VSTM2B: variants seen among roughly 807,000 people sequenced by gnomAD.
VSTM2B encodes V-set and transmembrane domain containing 2B, also known as V-set and transmembrane domain-containing protein 2B.
In VSTM2B, 24 loss-of-function variants were observed where a neutral mutation model predicts 24.0. That is an observed-to-expected ratio of 1.00 (90% CI 0.72 to 1.40). VSTM2B has a LOEUF of 1.40. Among genes scored for constraint, VSTM2B ranks in the 40% most tolerant of loss-of-function variants. The pLI is 0.00. For synonymous variants in VSTM2B, 226 were observed against 194.4 expected (o/e 1.16, Z -1.35); for missense variants, 399 against 416.4 (o/e 0.96, Z 0.36).
rs1456407159 is a variant in VSTM2B at position 29,564,089 on chromosome 19, C to G, written c.*155C>G. 1 of 638,742 alleles carries G rather than the reference C, an allele frequency of 1.6e-6. No homozygotes were observed. Among genetic ancestry groups the G allele is most frequent in the Non-Finnish European group, 2.7e-6 (1 of 371,110 alleles). The allele number at this position is 638,742 out of a possible 1,614,324, so 39.6% of individuals were successfully genotyped here. A position where few individuals can be genotyped will look rare whatever the true frequency, so the allele number is the denominator to read the frequency against. On this transcript the variant is annotated 3_prime_UTR_variant, in exon 5 of 5. Transcript: ENST00000335523. ...AAATCATATTTTTGGGAAAGTTACA[C>G]AAATGTAGAACACCTAAAATAATGC...
chr19:29,555,757 C>A (rs1970391230), intron 4 of VSTM2B, among the ~76,000 whole-genome samples: 1 of 152,026 alleles, frequency 6.6e-6, no homozygotes, highest in Non-Finnish European at 1.5e-5. Flanking sequence ...ATACAAACAA[C>A]CATCAGAGAA....
chr19:29,531,094 G>T (rs1266548433), intron 4 of VSTM2B, among the ~76,000 whole-genome samples: 1 of 149,898 alleles, frequency 6.7e-6, no homozygotes, highest in Non-Finnish European at 1.5e-5. Flanking sequence ...GCCATTGGCA[G>T]AGGCAGGGGT....
At chr19:29,558,974 G>C (rs1002820331) in intron 4 of VSTM2B, among the ~76,000 whole-genome samples, 1 of 152,242 alleles carries the variant, frequency 6.6e-6, no homozygotes, top group Admixed American at 6.5e-5. Context: ...AGATGCTGGA[G>C]AGGATGTGGA....
At chr19:29,551,870 G>C (rs988082929) in intron 4 of VSTM2B, among the ~76,000 whole-genome samples, 1 of 152,160 alleles carries the variant, frequency 6.6e-6, no homozygotes, top group African/African-American at 2.4e-5. Flanking sequence ...ACAACCCCCA[G>C]GAACACAGAT....
At chr19:29,556,281 A>G (rs1280029657) in intron 4 of VSTM2B, among the ~76,000 whole-genome samples, 1 of 152,182 alleles carries the variant, frequency 6.6e-6, no homozygotes, top group Non-Finnish European at 1.5e-5. Flanking sequence ...GAAAGACCAA[A>G]ACCACATGAT....
At chr19:29,550,672 G>A (rs1016806317) in intron 4 of VSTM2B, among the ~76,000 whole-genome samples, 1 of 152,094 alleles carries the variant, frequency 6.6e-6, no homozygotes, top group Non-Finnish European at 1.5e-5. Context: ...ATGCAATACT[G>A]GACAAAGCAA....
intron 4 of VSTM2B, among the ~76,000 whole-genome samples, chr19:29,549,705 G>T (rs140151173): frequency 6.6e-6 from 1 of 152,346 alleles, no homozygotes; most frequent in Middle Eastern, 3.4e-3. Context: ...ACAGGGAAAA[G>T]GATGGGGTTT....
At chr19:29,528,077 G>T (rs1419885121) in intron 2 of VSTM2B, among the ~76,000 whole-genome samples, 3 of 152,172 alleles carry the variant, frequency 2.0e-5, no homozygotes, top group East Asian at 1.9e-4. Flanking sequence ...AGTTCTTCAC[G>T]GCTCCCAGTG....
intron 4 of VSTM2B, among the ~76,000 whole-genome samples, chr19:29,540,736 T>C (rs1359086872): frequency 2.0e-5 from 3 of 152,216 alleles, no homozygotes; most frequent in Admixed American, 6.5e-5. Context: ...GGGCATAATG[T>C]GATTAAGACT....
chr19:29,530,224 G>A lies in VSTM2B; in HGVS notation c.703G>A (p.Ala235Thr), dbSNP rs376647357. Reference protein sequence around the residue: ...HTPTTTVAAAAAASSASPPSG... With the variant: ...HTPTTTVAAATAASSASPPSG... The stretch of plus-strand genomic sequence containing the variant: ...GCCCACCACCACAGTCGCGGCAGCT[G>A]CTGCTGCCTCGTCAGCGTCGCCGCC... Residue 235 changes from alanine (A) to threonine (T), a missense_variant, in exon 4 of 5, where the codon GCT becomes ACT. Ala to Thr is a moderately conservative substitution (Grantham distance 58, BLOSUM62 0). Transcript: ENST00000335523. 3.2e-3 allele frequency: 4,752 copies of A among 1,503,984 alleles called. 177 individuals carry two copies. In the South Asian group the frequency reaches 0.055, roughly 17 times the overall value. The allele number at this position is 1,503,984 out of a possible 1,614,324, so 93.2% of individuals were successfully genotyped here.
At chr19:29,561,090 T>A (rs1351794702) in intron 4 of VSTM2B, among the ~76,000 whole-genome samples, 1 of 152,034 alleles carries the variant, frequency 6.6e-6, no homozygotes, top group Non-Finnish European at 1.5e-5. Context: ...AGTGGGCAGA[T>A]CACTTGAGGT....
In VSTM2B at chr19:29,528,437, CA is replaced by C. The variant is rs1568435930; in HGVS notation, c.275del (p.Asn92IlefsTer182). 1 of 1,551,218 alleles carries C rather than the reference CA, an allele frequency of 6.4e-7. No homozygotes were observed. Among genetic ancestry groups the C allele is most frequent in the Admixed American group, 2.0e-5 (1 of 51,016 alleles). Reference sequence around the variant, plus strand: ...CTCTCCCTCTTTGCATTTTAGGTAACAAATAAGGATGCAACTAAAATCAGCG... The same window carrying C: ...CTCTCCCTCTTTGCATTTTAGGTAACAATAAGGATGCAACTAAAATCAGCG... ...LSVPGARSKV[T>X]NKDATKISTV... On this transcript the variant is annotated frameshift_variant, in exon 3 of 5. Transcript: ENST00000335523. LOFTEE classifies it high-confidence loss of function.
intron 4 of VSTM2B, among the ~76,000 whole-genome samples, chr19:29,558,412 C>T (rs905693249): frequency 4.6e-5 from 7 of 152,086 alleles, no homozygotes; most frequent in African/African-American, 1.7e-4. Context: ...CATGCACACA[C>T]GTGTTCACTG....
intron 4 of VSTM2B, among the ~76,000 whole-genome samples, chr19:29,562,708 G>A (rs931485421): frequency 1.6e-4 from 25 of 152,240 alleles, no homozygotes; most frequent in Non-Finnish European, 4.4e-5. Context: ...CCTGGAGGGA[G>A]CATCCCACTT....
chr19:29,559,800 G>A (rs573596823), intron 4 of VSTM2B, among the ~76,000 whole-genome samples: 25 of 152,246 alleles, frequency 1.6e-4, no homozygotes, highest in South Asian at 4.2e-4. Flanking sequence ...TGTTTGAGGC[G>A]CTGTTGTTTA....
chr19:29,534,192 G>A (rs1037129542), intron 4 of VSTM2B, among the ~76,000 whole-genome samples: 1 of 152,178 alleles, frequency 6.6e-6, no homozygotes, highest in African/African-American at 2.4e-5. Context: ...TAAAGGTCTG[G>A]GGGCAGCTGG....
At position 29,528,423 on chromosome 19, in the gene VSTM2B, T is replaced by C. The variant is rs887086741; in HGVS notation, c.268-10T>C. On this transcript the variant is annotated splice_polypyrimidine_tract_variant and intron_variant, in intron 2 of 4. Coordinates refer to ENST00000335523, the MANE Select transcript of VSTM2B (RefSeq NM_001146339.2). Reference sequence around the variant, plus strand: ...AGCCTCACGTCTCTCTCTCCCTCTTTGCATTTTAGGTAACAAATAAGGATG... The same window carrying C: ...AGCCTCACGTCTCTCTCTCCCTCTTCGCATTTTAGGTAACAAATAAGGATG... 1 of 1,551,228 alleles carries C rather than the reference T, an allele frequency of 6.4e-7. No homozygotes were observed. Among genetic ancestry groups the C allele is most frequent in the Non-Finnish European group, 8.7e-7 (1 of 1,146,980 alleles).
chr19:29,546,944 G>C (rs1970171602), intron 4 of VSTM2B, among the ~76,000 whole-genome samples: 1 of 152,224 alleles, frequency 6.6e-6, no homozygotes, highest in Non-Finnish European at 1.5e-5. Context: ...CCAGGGGCCA[G>C]GGTCAGGCTG....
chr19:29,553,481 C>T (rs1405297297), intron 4 of VSTM2B, among the ~76,000 whole-genome samples: 1 of 152,218 alleles, frequency 6.6e-6, no homozygotes, highest in African/African-American at 2.4e-5. Flanking sequence ...ATTGAAGCTA[C>T]ATAAACTCAC....
Sources: allele counts gnomAD v4.1 joint callset (sites outside exome capture counted in the v4.1 genomes callset), GRCh38; gene constraint gnomAD v4.1.1; transcripts MANE v1.5; gene names NCBI Gene and HGNC (gene_info 2026-07-23, HGNC 2026-07-21).